RALGAPA1: variants seen among roughly 807,000 people sequenced by gnomAD.
RALGAPA1 encodes ral GTPase-activating protein subunit alpha-1.
RALGAPA1 carries 52 observed loss-of-function variants against 269.6 expected under a neutral mutation model. The observed-to-expected ratio is 0.19, with a 90% CI of 0.15 to 0.24. The LOEUF is 0.24. Ranked by LOEUF, RALGAPA1 falls within the 10% of genes least tolerant of loss-of-function variation. The pLI is 1.00. For synonymous variants in RALGAPA1, 817 were observed against 1,008.3 expected (o/e 0.81, Z 3.60); for missense variants, 1,917 against 3,013.9 (o/e 0.64, Z 8.52).
chr14:35,757,982 C>T (rs1311820970), intron 6 of RALGAPA1, among the ~76,000 whole-genome samples: 1 of 152,130 alleles, frequency 6.6e-6, no homozygotes, highest in Non-Finnish European at 1.5e-5. Context: ...GGCGCAGTGG[C>T]TCACGCCTAT....
chr14:35,746,938 G>A (rs2072169201), intron 10 of RALGAPA1, among the ~76,000 whole-genome samples: 2 of 151,566 alleles, frequency 1.3e-5, no homozygotes, highest in African/African-American at 2.4e-5. Context: ...GAAAAAGACA[G>A]AAAGAAAAGA....
At chr14:35,639,769 C>A (rs2061892191) in intron 31 of RALGAPA1, among the ~76,000 whole-genome samples, 1 of 151,926 alleles carries the variant, frequency 6.6e-6, no homozygotes, top group Non-Finnish European at 1.5e-5. Flanking sequence ...GAAACCCCGT[C>A]TCTACTAAAA....
chr14:35,760,200 G>A (rs1339719575), intron 6 of RALGAPA1, among the ~76,000 whole-genome samples: 1 of 152,104 alleles, frequency 6.6e-6, no homozygotes, highest in Non-Finnish European at 1.5e-5. Context: ...TTAACCATAG[G>A]TTTTTGATGC....
At chr14:35,705,583 G>A (rs879810777) in intron 16 of RALGAPA1, among the ~76,000 whole-genome samples, 18 of 151,692 alleles carry the variant, frequency 1.2e-4, no homozygotes, top group Non-Finnish European at 2.1e-4. Context: ...TTCACCTACT[G>A]AAGAATATCT....
chr14:35,732,129 C>A (rs2070537738), intron 12 of RALGAPA1, among the ~76,000 whole-genome samples: 1 of 152,070 alleles, frequency 6.6e-6, no homozygotes, highest in African/African-American at 2.4e-5. Flanking sequence ...TTGTATCCAG[C>A]AAAACTAAGC....
At chr14:35,760,691 GAAT>G in intron 6 of RALGAPA1, 135 bp downstream of exon 6, 1 of 586,116 alleles carries the variant, frequency 1.7e-6, no homozygotes, top group Non-Finnish European at 2.9e-6. Flanking sequence ...CACCATACCT[GAAT>G]AATAATAAAA....
At chr14:35,683,638 C>A (rs565270578) in intron 21 of RALGAPA1, 171 bp downstream of exon 21, 1 of 540,384 alleles carries the variant, frequency 1.9e-6, no homozygotes, top group Non-Finnish European at 3.2e-6. Context: ...CCCAGTGGAC[C>A]TCAGGTCAAG....
chr14:35,698,774 T>C (rs1056125079), intron 17 of RALGAPA1, among the ~76,000 whole-genome samples: 8 of 152,174 alleles, frequency 5.3e-5, no homozygotes, highest in African/African-American at 1.9e-4. Flanking sequence ...AGAAACATTG[T>C]TTGCCAACTT....
At chr14:35,732,618 ACAAACTT>A (rs918629975) in intron 12 of RALGAPA1, among the ~76,000 whole-genome samples, 2 of 152,242 alleles carry the variant, frequency 1.3e-5, no homozygotes, top group African/African-American at 4.8e-5. Flanking sequence ...ATCAGACAAA[ACAAACTT>A]CAAAGCAACA....
chr14:35,748,093 T>C (rs2072294472), intron 10 of RALGAPA1, among the ~76,000 whole-genome samples: 1 of 151,324 alleles, frequency 6.6e-6, no homozygotes, highest in South Asian at 2.1e-4. Flanking sequence ...GATAGAAGAG[T>C]TTCAATCTAT....
chr14:35,686,428 A>G, intron 19 of RALGAPA1, 114 bp downstream of exon 19: 2 of 760,420 alleles, frequency 2.6e-6, no homozygotes, highest in Non-Finnish European at 3.8e-6. Context: ...TTTTGAGGAA[A>G]GGTTATTTTG....
chr14:35,804,971 A>T (rs2077253014), intron 1 of RALGAPA1, among the ~76,000 whole-genome samples: 1 of 152,034 alleles, frequency 6.6e-6, no homozygotes, highest in South Asian at 2.1e-4. Flanking sequence ...ATACAGATTA[A>T]TTTCAAAATA....
At chr14:35,670,484 G>C (rs2064312390) in intron 26 of RALGAPA1, among the ~76,000 whole-genome samples, 1 of 151,958 alleles carries the variant, frequency 6.6e-6, no homozygotes, top group Admixed American at 6.6e-5. Flanking sequence ...CCTTCCTTAG[G>C]CTTCTATCTA....
At chr14:35,567,160 ATAAAG>A (rs1330815489) in intron 39 of RALGAPA1, among the ~76,000 whole-genome samples, 2 of 151,990 alleles carry the variant, frequency 1.3e-5, no homozygotes, top group Non-Finnish European at 2.9e-5. Context: ...TTCTGTTTAA[ATAAAG>A]TATTCATGTT....
intron 16 of RALGAPA1, among the ~76,000 whole-genome samples, chr14:35,709,514 T>C (rs749937744): frequency 3.3e-5 from 5 of 152,172 alleles, no homozygotes; most frequent in Non-Finnish European, 7.4e-5. Context: ...GACCCAACTT[T>C]CGGTTTTGTT....
At chr14:35,554,507 C>A (rs368276981) in intron 39 of RALGAPA1, among the ~76,000 whole-genome samples, 9 of 150,596 alleles carry the variant, frequency 6.0e-5, no homozygotes, top group South Asian at 2.1e-4. Flanking sequence ...CCACTACGCC[C>A]GGCTAATTTT....
At chr14:35,617,049 G>C (rs1241250513) in intron 35 of RALGAPA1, among the ~76,000 whole-genome samples, 1 of 152,204 alleles carries the variant, frequency 6.6e-6, no homozygotes, top group Non-Finnish European at 1.5e-5. Flanking sequence ...TAAATGCTAT[G>C]ACAGGGACAT....
chr14:35,549,176 T>C lies in RALGAPA1; in HGVS notation c.7555A>G (p.Thr2519Ala), dbSNP rs758388724. Reference protein sequence around the residue: ...TIVQHHLEPTTFEDFAAQVFS... With the variant: ...TIVQHHLEPTAFEDFAAQVFS... ...ACCTGTGCTGCAAAATCTTCAAATGTTGTTGGTTCTAAGTGGTGCTGGACA... is the reference window on the plus strand; with the variant it reads ...ACCTGTGCTGCAAAATCTTCAAATGCTGTTGGTTCTAAGTGGTGCTGGACA... Residue 2519 changes from threonine (T) to alanine (A), a missense_variant, in exon 40 of 42, where the codon ACA (threonine) becomes GCA (alanine). By Grantham distance (58) the Thr-to-Ala change is moderately conservative. This residue lies in a region of RALGAPA1 where 91 missense variants were observed against 130.9 expected (regional missense o/e 0.70). Coordinates refer to ENST00000680220, the MANE Select transcript of RALGAPA1 (RefSeq NM_001346249.2). 2.5e-6 allele frequency: 4 copies of C among 1,612,698 alleles called. No homozygotes were observed. The highest frequency in any genetic ancestry group is 3.4e-6 in the Non-Finnish European group (4 of 1,179,400).
chr14:35,628,504 CAT>C (rs1263406012), intron 33 of RALGAPA1, among the ~76,000 whole-genome samples: 2 of 152,136 alleles, frequency 1.3e-5, no homozygotes, highest in Admixed American at 1.3e-4. Flanking sequence ...AAAACAAAAA[CAT>C]AATGAAATCT....
Sources: gnomAD v4.1 joint callset for allele counts (sites outside exome capture counted in the v4.1 genomes callset) on GRCh38, gnomAD v4.1.1 for gene constraint, gnomAD v4.1.1 regional missense constraint, MANE v1.5 for transcripts, NCBI Gene and HGNC (gene_info 2026-07-23, HGNC 2026-07-21) for gene names.